Variants in TEX11 observed in about 807,000 individuals in gnomAD.
TEX11 encodes the protein testis expressed 11.
A neutral mutation model predicts 84.4 loss-of-function variants in TEX11; 7 were observed. The ratio of observed to expected loss-of-function variants is 0.08; its 90% CI spans 0.05 to 0.16. TEX11 has a LOEUF of 0.16. Ranked by LOEUF, TEX11 falls within the 10% of genes least tolerant of loss-of-function variation. TEX11 has a pLI of 1.00. For missense variants in TEX11, 551 were observed against 660.5 expected, an observed-to-expected ratio of 0.83 and a Z score of 1.82; for synonymous variants, 264 against 222.8, an observed-to-expected ratio of 1.18 and a Z score of -1.64.
At chrX:70,885,327 T>TGG (rs2091702307) in intron 2 of TEX11, among the ~76,000 whole-genome samples, 2 of 111,621 alleles carry the variant, frequency 1.8e-5, no homozygotes, top group Non-Finnish European at 3.8e-5. Context: ...CCCTAATAAA[T>TGG]AGAGTTATAT....
chrX:70,727,159 T>C (rs1308966753), intron 11 of TEX11, among the ~76,000 whole-genome samples: 2 of 111,581 alleles, frequency 1.8e-5, no homozygotes, highest in Non-Finnish European at 3.8e-5. Flanking sequence ...TGGTAAGTAG[T>C]AGAGCTGAAA....
At chrX:70,868,730 A>T (rs904169890) in intron 4 of TEX11, among the ~76,000 whole-genome samples, 2 of 111,032 alleles carry the variant, frequency 1.8e-5, no homozygotes, top group African/African-American at 6.6e-5. Context: ...CTTTGCGGGG[A>T]CATGGATGAA....
At chrX:70,554,158 G>A (rs1034046218) in intron 26 of TEX11, among the ~76,000 whole-genome samples, 1 of 111,833 alleles carries the variant, frequency 8.9e-6, no homozygotes, top group African/African-American at 3.2e-5. Context: ...CCAAACCCAC[G>A]TAAAGTTTGG....
chrX:70,578,215 T>G (rs73540715), intron 25 of TEX11, among the ~76,000 whole-genome samples: 11 of 112,098 alleles, frequency 9.8e-5, no homozygotes, highest in Non-Finnish European at 1.9e-4. Context: ...TTCTTTTCTA[T>G]TGAGTTTATG....
At chrX:70,591,971 T>C (rs2088937787) in intron 24 of TEX11, 148 bp from the exon 25 acceptor site, 2 of 408,160 alleles carry the variant, frequency 4.9e-6, no homozygotes, top group Non-Finnish European at 8.3e-6. Flanking sequence ...TTGGAGTTTA[T>C]ATAGAAATAT....
intron 7 of TEX11, among the ~76,000 whole-genome samples, chrX:70,833,935 A>T (rs1453837354): frequency 9.0e-6 from 1 of 111,554 alleles, no homozygotes; most frequent in Non-Finnish European, 1.9e-5. Context: ...TCACTTCTAC[A>T]TTAGAGGAAT....
intron 7 of TEX11, among the ~76,000 whole-genome samples, chrX:70,844,550 A>T (rs1174382287): frequency 9.2e-6 from 1 of 108,952 alleles, no homozygotes; most frequent in African/African-American, 3.3e-5. Flanking sequence ...AACATGGCAC[A>T]TGTACACATA....
chrX:70,590,383 GGAAAACAGA>G (rs1455360854), intron 25 of TEX11, among the ~76,000 whole-genome samples: 17 of 110,845 alleles, frequency 1.5e-4, no homozygotes, highest in African/African-American at 4.9e-4. Flanking sequence ...TCTAAATGTT[GGAAAACAGA>G]ATTCATCAAT....
intron 25 of TEX11, among the ~76,000 whole-genome samples, chrX:70,568,927 T>A (rs2088540655): frequency 9.0e-6 from 1 of 110,971 alleles, no homozygotes; most frequent in Non-Finnish European, 1.9e-5. Context: ...GCGTTCTCTG[T>A]ATTTCCTGAA....
At position 70,682,705 on chromosome X, in the gene TEX11, A is replaced by G. The variant is rs1428962233; in HGVS notation, c.1125T>C (p.Leu375=). ...AGATTTCTTCAATCTTCTCCTTGGCAAGAAGTTCTTCCTTCCTTTGTAAAA... is the reference window on the plus strand; with the variant it reads ...AGATTTCTTCAATCTTCTCCTTGGCGAGAAGTTCTTCCTTCCTTTGTAAAA... The part of the protein sequence containing the change: ...DMLLQRKEEL[L]AKEKIEEIFL... Residue 375 remains leucine, a synonymous_variant, in exon 14 of 30, where the codon CTT becomes CTC. Coordinates refer to ENST00000374333, the MANE Select transcript of TEX11 (RefSeq NM_031276.3). The G allele has an allele frequency of 1.7e-6, 2 of 1,210,190 alleles. No individual in the cohort carries two copies. The highest frequency in any genetic ancestry group is 3.6e-5 in the South Asian group (2 of 56,271).
At chrX:70,842,589 T>G (rs1452148258) in intron 7 of TEX11, among the ~76,000 whole-genome samples, 1 of 111,781 alleles carries the variant, frequency 8.9e-6, no homozygotes, top group Non-Finnish European at 1.9e-5. Flanking sequence ...GGATGCCCTC[T>G]CTCACCACTC....
intron 8 of TEX11, among the ~76,000 whole-genome samples, chrX:70,812,148 A>G (rs2091259039): frequency 9.0e-6 from 1 of 110,542 alleles, no homozygotes; most frequent in South Asian, 3.9e-4. Flanking sequence ...TCTAGGCAAT[A>G]CCATTCTAGG....
intron 17 of TEX11, among the ~76,000 whole-genome samples, chrX:70,649,523 C>T (rs1362977294): frequency 5.3e-5 from 6 of 112,151 alleles, no homozygotes; most frequent in Non-Finnish European, 1.1e-4. Context: ...CTTTAGAAAA[C>T]AGTTTTGCAG....
intron 25 of TEX11, among the ~76,000 whole-genome samples, chrX:70,567,173 TTTTCTAGTTTA>T (rs1320862430): frequency 9.0e-6 from 1 of 111,225 alleles, no homozygotes; most frequent in Non-Finnish European, 1.9e-5. Context: ...TTCTTCTAGA[TTTTCTAGTTTA>T]TTTGCGTAGA....
intron 9 of TEX11, among the ~76,000 whole-genome samples, chrX:70,759,819 A>C (rs2090896299): frequency 8.9e-6 from 1 of 111,792 alleles, no homozygotes; most frequent in Non-Finnish European, 1.9e-5. Flanking sequence ...AGAGGAAGTC[A>C]AATTGTCGCT....
downstream of TEX11, among the ~76,000 whole-genome samples, chrX:70,525,453 G>C (rs1282041012): frequency 9.1e-6 from 1 of 110,062 alleles, no homozygotes; most frequent in African/African-American, 3.3e-5. Context: ...CGAGTGTGGT[G>C]GCACTCCTCT....
At chrX:70,768,512 C>T (rs2090954464) in intron 9 of TEX11, among the ~76,000 whole-genome samples, 1 of 110,458 alleles carries the variant, frequency 9.1e-6, no homozygotes, top group Non-Finnish European at 1.9e-5. Flanking sequence ...TTCCACATGA[C>T]TGGGGAGGCC....
At chrX:70,891,746 C>A (rs919441296) in intron 2 of TEX11, among the ~76,000 whole-genome samples, 2 of 111,749 alleles carry the variant, frequency 1.8e-5, no homozygotes, top group Non-Finnish European at 3.8e-5. Context: ...AAAGATCCAA[C>A]TTACGATTGA....
intron 5 of TEX11, among the ~76,000 whole-genome samples, chrX:70,856,246 C>A (rs2091535671): frequency 9.1e-6 from 1 of 110,232 alleles, no homozygotes. Flanking sequence ...TAATGTTAAA[C>A]GAGGGGGAAA....
Sources: allele counts gnomAD v4.1 joint callset (sites outside exome capture counted in the v4.1 genomes callset), GRCh38; gene constraint gnomAD v4.1.1; transcripts MANE v1.5; gene names NCBI Gene and HGNC (gene_info 2026-07-23, HGNC 2026-07-21).